The following STAG2 variants were observed in gnomAD, a reference collection of about 807,000 sequenced individuals.
The protein encoded by STAG2 is cohesin subunit SA-2.
In STAG2, 14 loss-of-function variants were observed where a neutral mutation model predicts 108.1. The ratio of observed to expected loss-of-function variants is 0.13; its 90% CI spans 0.09 to 0.20. The LOEUF (loss-of-function observed/expected upper bound fraction) is 0.20, where lower values mean the gene tolerates loss of function less well. Ranked by LOEUF, STAG2 falls within the 10% of genes least tolerant of loss-of-function variation. STAG2 has a pLI of 1.00. For missense variants in STAG2, 440 were observed against 940.9 expected, an observed-to-expected ratio of 0.47 and a Z score of 6.96; for synonymous variants, 307 against 302.7, an observed-to-expected ratio of 1.01 and a Z score of -0.15.
At chrX:124,085,115 A>G in intron 29 of STAG2, among the ~76,000 whole-genome samples, 1 of 112,400 alleles carries the variant, frequency 8.9e-6, no homozygotes, top group Non-Finnish European at 1.9e-5. Flanking sequence ...TTGATATATA[A>G]TGGAATACCA....
chrX:124,066,496 ACT>A (rs2058533988), intron 23 of STAG2, 60 bp downstream of exon 23: 2 of 840,556 alleles, frequency 2.4e-6, no homozygotes, highest in Non-Finnish European at 3.5e-6. Flanking sequence ...TTTTCAGCAA[ACT>A]CACACATTTA....
rs886525977 is a variant in STAG2 at position 123,967,545 on chromosome X, C to T, written c.-163+5689C>T. On this transcript the variant is annotated intron_variant, in intron 1 of 34. Coordinates refer to ENST00000371145, the MANE Select transcript of STAG2 (RefSeq NM_001042750.2). ...CCTTCCAAAGTTCTGGGATTACAGG[C>T]GTGAGCCACTGCGCCCAGCTGGCCT... is the stretch of plus-strand genomic sequence containing the variant. 4.5e-5 allele frequency among the ~76,000 whole-genome samples: 5 copies of T among 111,452 alleles called. No individual in the cohort carries two copies. The South Asian group carries it at 1.5e-3, about 33-fold the overall frequency.
Position 124,061,417 on chromosome X carries a change from CTTTTAGTT to C in STAG2, c.1534+79_1534+86del, listed in dbSNP as rs2058372241. 5 of 735,563 alleles carry C rather than the reference CTTTTAGTT, an allele frequency of 6.8e-6. No individual in the cohort carries two copies. The Admixed American group carries it at 1.4e-4, about 21-fold the overall frequency. 60.6% of individuals were successfully genotyped at this position (735,563 alleles called of 1,213,427 possible). A position where few individuals can be genotyped will look rare whatever the true frequency, so the allele number is the denominator to read the frequency against. On this transcript the variant is annotated intron_variant, in intron 16 of 34. Transcript: ENST00000371145. ...TTTTTACTCATTCCATTTATTTGTC[CTTTTAGTT>C]TTAAGACAATTTGATAGAAAAATCT...
intron 1 of STAG2, among the ~76,000 whole-genome samples, chrX:123,997,916 C>T (rs1465873651): frequency 7.1e-5 from 8 of 112,363 alleles, no homozygotes; most frequent in African/African-American, 9.7e-5. Context: ...GCTGGGATCA[C>T]AGGCGTGAGC....
At chrX:124,011,044 A>G (rs770772319) in intron 1 of STAG2, among the ~76,000 whole-genome samples, 2 of 111,341 alleles carry the variant, frequency 1.8e-5, no homozygotes, top group African/African-American at 6.5e-5. Flanking sequence ...ATGCCTTTCT[A>G]TTTGTGTCAT....
At chrX:124,089,878 C>G (rs967009855) in intron 30 of STAG2, among the ~76,000 whole-genome samples, 1 of 109,964 alleles carries the variant, frequency 9.1e-6, no homozygotes, top group Non-Finnish European at 1.9e-5. Context: ...AGGGTTCAGT[C>G]GACTGGGTGC....
intron 1 of STAG2, among the ~76,000 whole-genome samples, chrX:123,991,743 C>T (rs1033539506): frequency 1.8e-5 from 2 of 110,288 alleles, no homozygotes; most frequent in African/African-American, 6.6e-5. Flanking sequence ...CGGCTCACCG[C>T]AACCTCCGCC....
intron 10 of STAG2, among the ~76,000 whole-genome samples, chrX:124,049,886 C>G (rs138704352): frequency 0.015 from 1,669 of 112,075 alleles, 34 homozygotes; most frequent in African/African-American, 0.051. Context: ...CTGCTGTCTT[C>G]TGAACACACC....
At chrX:124,097,956 T>C (rs775245072) in intron 34 of STAG2, among the ~76,000 whole-genome samples, 152 of 110,225 alleles carry the variant, frequency 1.4e-3, no homozygotes, top group African/African-American at 4.7e-3. Flanking sequence ...CACCATTTTT[T>C]AATGTATTTG....
rs2058449859 is a variant in STAG2 at position 124,063,919 on chromosome X, A to G, written c.1893A>G (p.Ala631=). The G allele has an allele frequency of 9.9e-6, 12 of 1,208,054 alleles. No individual in the cohort carries two copies. Among genetic ancestry groups the G allele is most frequent in the Non-Finnish European group, 1.0e-5 (9 of 893,368 alleles). Reference sequence around the variant, plus strand: ...ACACAGATACAGATGTTTTGGAAGCATGTTCTAAAACTTACCATGCACTCT... The same window carrying G: ...ACACAGATACAGATGTTTTGGAAGCGTGTTCTAAAACTTACCATGCACTCT... ...EKHTDTDVLE[A]CSKTYHALCN... Residue 631 remains alanine (A), a synonymous_variant, in exon 20 of 35, where the codon GCA becomes GCG. Coordinates refer to ENST00000371145, the MANE Select transcript of STAG2 (RefSeq NM_001042750.2).
intron 1 of STAG2, among the ~76,000 whole-genome samples, chrX:123,993,474 G>A (rs2055579317): frequency 9.1e-6 from 1 of 110,293 alleles, no homozygotes; most frequent in Admixed American, 9.8e-5. Flanking sequence ...GCCACTGGTG[G>A]CTTATTCTCT....
At chrX:124,073,826 G>T (rs1603122837) in intron 25 of STAG2, among the ~76,000 whole-genome samples, 1 of 111,552 alleles carries the variant, frequency 9.0e-6, no homozygotes, top group East Asian at 2.8e-4. Context: ...AAATTTAGCT[G>T]TGTTTGTTTT....
At chrX:124,015,050 G>T (rs1342332971) in intron 1 of STAG2, among the ~76,000 whole-genome samples, 1 of 76,598 alleles carries the variant, frequency 1.3e-5, no homozygotes, top group Non-Finnish European at 2.2e-5. Context: ...GCAGTGGCTT[G>T]ATCTTGGCTC....
At chrX:124,099,577 T>A (rs3913241) in intron 34 of STAG2, among the ~76,000 whole-genome samples, 2 of 110,037 alleles carry the variant, frequency 1.8e-5, no homozygotes, top group African/African-American at 6.6e-5. Flanking sequence ...TAATTCATTA[T>A]AAAGAGGCTG....
intron 34 of STAG2, 67 bp from the exon 35 acceptor site, chrX:124,100,507 T>C (rs2059487057): frequency 7.4e-6 from 7 of 944,060 alleles, no homozygotes; most frequent in Non-Finnish European, 1.1e-5. Context: ...AATGTAATAT[T>C]TATGGATATA....
chrX:124,093,961 A>G, intron 32 of STAG2, 57 bp from the exon 33 acceptor site: 1 of 1,168,251 alleles, frequency 8.6e-7, no homozygotes, highest in Non-Finnish European at 1.2e-6. Flanking sequence ...ACTGCTGCCT[A>G]GATATTAATA....
chrX:124,066,517 A>G, intron 23 of STAG2, 81 bp downstream of exon 23: 1 of 675,309 alleles, frequency 1.5e-6, no homozygotes, highest in Non-Finnish European at 2.3e-6. Flanking sequence ...TAATGAGATC[A>G]GTTATTTCAG....
intron 3 of STAG2, among the ~76,000 whole-genome samples, 164 bp from the exon 4 acceptor site, chrX:124,025,676 G>GTGC (rs1422735569): frequency 1.8e-5 from 2 of 111,370 alleles, no homozygotes; most frequent in African/African-American, 6.5e-5. Flanking sequence ...GTTTGGTAAC[G>GTGC]TGCTATAGTA....
At chrX:124,033,392 A>G (rs755735634) in intron 5 of STAG2, among the ~76,000 whole-genome samples, 2 of 111,334 alleles carry the variant, frequency 1.8e-5, no homozygotes, top group African/African-American at 6.5e-5. Flanking sequence ...ATTTTGTTCT[A>G]AGTAGTTAAA....
Sources: allele counts gnomAD v4.1 joint callset (sites outside exome capture counted in the v4.1 genomes callset), GRCh38; gene constraint gnomAD v4.1.1; transcripts MANE v1.5; gene names NCBI Gene and HGNC (gene_info 2026-07-23, HGNC 2026-07-21).